TRAF5: variants seen among roughly 807,000 people sequenced by gnomAD.
TRAF5 encodes TNF receptor associated factor 5.
Under a neutral mutation model 64.5 loss-of-function variants are expected in TRAF5, and 48 were observed. The observed-to-expected ratio is 0.74, with a 90% CI of 0.59 to 0.95. TRAF5 has a LOEUF of 0.95. Ranked by LOEUF, TRAF5 falls within the 40% of genes least tolerant of loss-of-function variation. TRAF5 has a pLI of 0.00. For missense variants in TRAF5, 545 were observed against 662.8 expected, an observed-to-expected ratio of 0.82 and a Z score of 1.95; for synonymous variants, 206 against 240.5, an observed-to-expected ratio of 0.86 and a Z score of 1.33.
At chr1:211,346,790 C>A (rs981670065) in intron 1 of TRAF5, among the ~76,000 whole-genome samples, 4 of 152,192 alleles carry the variant, frequency 2.6e-5, no homozygotes, top group Admixed American at 2.6e-4. Flanking sequence ...AGAAATGAAT[C>A]CGTAGAGATA....
At chr1:211,347,777 G>C (rs1326805571) in intron 1 of TRAF5, among the ~76,000 whole-genome samples, 2 of 152,216 alleles carry the variant, frequency 1.3e-5, no homozygotes, top group African/African-American at 4.8e-5. Context: ...AGGGCCCCTG[G>C]GGTGCTGGAG....
chr1:211,345,192 C>T (rs1393166404), intron 1 of TRAF5, among the ~76,000 whole-genome samples: 1 of 152,130 alleles, frequency 6.6e-6, no homozygotes, highest in African/African-American at 2.4e-5. Flanking sequence ...GCTGGGATTA[C>T]AAGCATGAGC....
At chr1:211,367,295 TTGATAAGAG>T (rs1703386015) in intron 8 of TRAF5, among the ~76,000 whole-genome samples, 1 of 152,192 alleles carries the variant, frequency 6.6e-6, no homozygotes, top group Admixed American at 6.5e-5. Flanking sequence ...AGCATGGCAA[TTGATAAGAG>T]TGAAGGCTCT....
chr1:211,360,154 G>GTTCTTCTGGCATTCCA, intron 5 of TRAF5, 78 bp downstream of exon 5: 1 of 1,415,530 alleles, frequency 7.1e-7, no homozygotes, highest in Non-Finnish European at 9.8e-7. Flanking sequence ...CAGGTGGAAT[G>GTTCTTCTGGCATTCCA]CCAGAAGAAC....
chr1:211,334,722 G>A (rs894838899), intron 1 of TRAF5, among the ~76,000 whole-genome samples: 3 of 152,272 alleles, frequency 2.0e-5, no homozygotes, highest in East Asian at 1.9e-4. Flanking sequence ...ACAGTGAGCC[G>A]CTCTTAGCAG....
chr1:211,353,576 C>T (rs925778973), intron 2 of TRAF5, 119 bp downstream of exon 2: 3 of 1,003,738 alleles, frequency 3.0e-6, no homozygotes, highest in Admixed American at 4.3e-5. Context: ...AGAACCATGA[C>T]TGTAAGGAAG....
intron 1 of TRAF5, among the ~76,000 whole-genome samples, chr1:211,331,840 T>C (rs1006135855): frequency 2.6e-5 from 4 of 152,178 alleles, no homozygotes; most frequent in Non-Finnish European, 4.4e-5. Context: ...TAATTTTTTG[T>C]ATTTTTAGTA....
chr1:211,334,474 C>T (rs147091198), intron 1 of TRAF5, among the ~76,000 whole-genome samples: 5,489 of 152,178 alleles, frequency 0.036, 326 homozygotes, highest in African/African-American at 0.13. Flanking sequence ...CTGGCTAACA[C>T]GGTGAAACTC....
chr1:211,339,315 G>C (rs78644044), intron 1 of TRAF5, among the ~76,000 whole-genome samples: 118 of 152,284 alleles, frequency 7.7e-4, no homozygotes, highest in African/African-American at 2.7e-3. Flanking sequence ...ATTATCTTGA[G>C]AAACCAAACT....
intron 9 of TRAF5, among the ~76,000 whole-genome samples, chr1:211,370,102 G>A (rs2102772647): frequency 6.6e-6 from 1 of 152,238 alleles, no homozygotes; most frequent in Admixed American, 6.5e-5. Flanking sequence ...AGCATCTGTA[G>A]TTCTGCATTT....
intron 1 of TRAF5, among the ~76,000 whole-genome samples, chr1:211,333,793 G>C (rs1467095270): frequency 6.6e-6 from 1 of 152,102 alleles, no homozygotes; most frequent in Admixed American, 6.5e-5. Flanking sequence ...CACCGTACCC[G>C]GCCTAAGGAA....
intron 1 of TRAF5, among the ~76,000 whole-genome samples, chr1:211,351,772 G>A (rs1272455224): frequency 6.6e-6 from 1 of 152,152 alleles, no homozygotes; most frequent in African/African-American, 2.4e-5. Context: ...TCAGTTGACT[G>A]TATTTATGTG....
rs1265636364 is a variant in TRAF5 at position 211,372,319 on chromosome 1, C to T, written c.1291C>T (p.Gln431Ter). ...VDGHTVSIFS[Q>*]SFYTSRCGYR... ...TGGGCACACAGTGTCCATCTTCAGC[C>T]AGTCCTTCTACACCAGCCGCTGTGG... Residue 431 changes from glutamine (Q) to a stop codon, truncating the protein, a stop_gained, in exon 11 of 11, where the codon CAG becomes TAG. Transcript: ENST00000261464. LOFTEE classifies it high-confidence loss of function. The T allele has an allele frequency of 6.8e-6, 11 of 1,613,984 alleles. No individual in the cohort carries two copies. The highest frequency in any genetic ancestry group is 8.5e-6 in the Non-Finnish European group (10 of 1,180,016).
chr1:211,369,504 T>C lies in TRAF5; in HGVS notation c.842T>C (p.Leu281Pro), dbSNP rs764756941. The C allele has an allele frequency of 3.1e-6, 5 of 1,611,404 alleles. No individual in the cohort carries two copies. The highest frequency in any genetic ancestry group is 4.2e-6 in the Non-Finnish European group (5 of 1,179,190). Residue 281 changes from leucine (L) to proline (P), a missense_variant, in exon 9 of 11, where the codon CTA becomes CCA. Leu to Pro is a moderately conservative substitution (Grantham distance 98, BLOSUM62 -3). Coordinates refer to ENST00000261464, the MANE Select transcript of TRAF5 (RefSeq NM_001033910.3). Reference protein sequence around the residue: ...LEQKESKIQQLAETIKKLEKE... With the variant: ...LEQKESKIQQPAETIKKLEKE... ...CAGAAAGAAAGTAAAATCCAGCAGCTAGCAGAAACTATAAAGAAACTTGAA... is the reference window on the plus strand; with the variant it reads ...CAGAAAGAAAGTAAAATCCAGCAGCCAGCAGAAACTATAAAGAAACTTGAA...
At chr1:211,354,714 A>G (rs574314668) in intron 3 of TRAF5, among the ~76,000 whole-genome samples, 1 of 152,096 alleles carries the variant, frequency 6.6e-6, no homozygotes, top group Admixed American at 6.5e-5. Flanking sequence ...TCCCCTTCCT[A>G]CACTGGCTCC....
At chr1:211,336,683 G>A (rs868031081) in intron 1 of TRAF5, among the ~76,000 whole-genome samples, 1 of 152,134 alleles carries the variant, frequency 6.6e-6, no homozygotes, top group African/African-American at 2.4e-5. Context: ...GTTTTGAGAC[G>A]GAGTCTTGCT....
At chr1:211,336,461 C>T (rs1191203998) in intron 1 of TRAF5, among the ~76,000 whole-genome samples, 1 of 152,218 alleles carries the variant, frequency 6.6e-6, no homozygotes, top group Non-Finnish European at 1.5e-5. Flanking sequence ...CCAGGTCAGC[C>T]ATCATGAGCC....
chr1:211,334,803 C>G (rs1329432046), intron 1 of TRAF5, among the ~76,000 whole-genome samples: 2 of 152,194 alleles, frequency 1.3e-5, no homozygotes, highest in East Asian at 3.8e-4. Flanking sequence ...GCGAGGAGAA[C>G]TTTCTAGAGA....
intron 1 of TRAF5, among the ~76,000 whole-genome samples, chr1:211,349,062 G>T (rs1241930939): frequency 3.6e-5 from 4 of 111,710 alleles, no homozygotes; most frequent in Non-Finnish European, 7.6e-5. Context: ...AAAAAAATTA[G>T]CCAGGCGTGG....
Sources: allele counts gnomAD v4.1 joint callset (sites outside exome capture counted in the v4.1 genomes callset), GRCh38; gene constraint gnomAD v4.1.1; transcripts MANE v1.5; gene names NCBI Gene and HGNC (gene_info 2026-07-23, HGNC 2026-07-21).